Variants in YME1L1 observed in about 807,000 individuals in gnomAD.
YME1L1 encodes YME1 like 1 ATPase.
A neutral mutation model predicts 90.4 loss-of-function variants in YME1L1; 39 were observed. The ratio of observed to expected loss-of-function variants is 0.43; its 90% CI spans 0.33 to 0.56. The LOEUF is 0.56. Among genes scored for constraint, YME1L1 ranks in the 20% least tolerant of loss-of-function variants. The pLI is 0.03. For synonymous variants in YME1L1, 284 were observed against 287.3 expected, an observed-to-expected ratio of 0.99 and a Z score of 0.12; for missense variants, 617 against 868.4, an observed-to-expected ratio of 0.71 and a Z score of 3.64.
chr10:27,148,773 A>C, intron 2 of YME1L1, 133 bp downstream of exon 2: 1 of 1,089,416 alleles, frequency 9.2e-7, no homozygotes, highest in East Asian at 2.4e-5. Flanking sequence ...TTAGTAGTTA[A>C]GTTTCTCAGG....
chr10:27,116,607 A>C (rs979448453), intron 15 of YME1L1, among the ~76,000 whole-genome samples: 4 of 152,246 alleles, frequency 2.6e-5, no homozygotes, highest in African/African-American at 9.6e-5. Context: ...CAGAGGTTGC[A>C]GTGAGCTGAG....
chr10:27,127,304 GT>G (rs1188759996), intron 8 of YME1L1, among the ~76,000 whole-genome samples: 1 of 152,098 alleles, frequency 6.6e-6, no homozygotes, highest in Non-Finnish European at 1.5e-5. Context: ...ATGTAATAAT[GT>G]TTTAATCAAG....
chr10:27,130,454 G>A (rs2056964621), intron 8 of YME1L1, among the ~76,000 whole-genome samples: 1 of 152,172 alleles, frequency 6.6e-6, no homozygotes. Context: ...TACCTCCAAA[G>A]TGGTATATCC....
chr10:27,120,586 T>A (rs750198047), intron 12 of YME1L1, 39 bp from the exon 13 acceptor site: 1 of 1,536,036 alleles, frequency 6.5e-7, no homozygotes, highest in South Asian at 1.2e-5. Flanking sequence ...AAATTAAAAC[T>A]ATTTAAGCTC....
At position 27,110,484 on chromosome 10, in the gene YME1L1, A is replaced by C. The variant is rs2056748626; in HGVS notation, c.*1493T>G. On this transcript the variant is annotated 3_prime_UTR_variant, in exon 19 of 19. Transcript: ENST00000376016. Reference sequence around the variant, plus strand: ...AGGAAATTGTAGATAATTTTAATGAAGTCAACGTCAAGAATATAATCTGGT... The same window carrying C: ...AGGAAATTGTAGATAATTTTAATGACGTCAACGTCAAGAATATAATCTGGT... 6.6e-6 allele frequency: 1 copy of C among 152,240 alleles called. No homozygotes were observed. Among genetic ancestry groups the C allele is most frequent in the Non-Finnish European group, 1.5e-5 (1 of 68,046 alleles). The allele number at this position is 152,240 out of a possible 1,614,324, so 9.4% of individuals were successfully genotyped here.
At position 27,116,226 on chromosome 10, in the gene YME1L1, A is replaced by T. The variant is rs756768273; in HGVS notation, c.1839T>A (p.Ile613=). Residue 613 remains isoleucine, a synonymous_variant, in exon 16 of 19, where the codon ATT becomes ATA. Transcript: ENST00000376016. ...AEELIFGTDH[I]TTGASSDFDN... is the part of the protein sequence containing the mutation. ...CCATTCTTTAAAGCTAACCTGTTGT[A>T]ATATGGTCGGTTCCAAATATAAGCT... 6.2e-7 allele frequency: 1 copy of T among 1,614,212 alleles called. No homozygotes were observed. Among genetic ancestry groups the T allele is most frequent in the Admixed American group, 1.7e-5 (1 of 60,030 alleles).
chr10:27,135,481 T>G (rs2057018201), intron 5 of YME1L1, among the ~76,000 whole-genome samples: 1 of 152,184 alleles, frequency 6.6e-6, no homozygotes, highest in Non-Finnish European at 1.5e-5. Flanking sequence ...TTATGTATGG[T>G]GGTAAATCAA....
At chr10:27,149,449 C>T (rs2057184139) in intron 1 of YME1L1, among the ~76,000 whole-genome samples, 1 of 152,036 alleles carries the variant, frequency 6.6e-6, no homozygotes, top group Non-Finnish European at 1.5e-5. Flanking sequence ...GTGGCTCACG[C>T]CTGTAACCCC....
intron 4 of YME1L1, among the ~76,000 whole-genome samples, chr10:27,138,755 C>T (rs569521343): frequency 6.6e-6 from 1 of 152,002 alleles, no homozygotes; most frequent in Admixed American, 6.5e-5. Context: ...TTTACTCCTT[C>T]TTTTGACTTA....
At chr10:27,121,133 A>G (rs962906656) in intron 12 of YME1L1, among the ~76,000 whole-genome samples, 2 of 152,226 alleles carry the variant, frequency 1.3e-5, no homozygotes, top group Non-Finnish European at 2.9e-5. Context: ...GAATTGTACA[A>G]CCATCACCAC....
intron 9 of YME1L1, among the ~76,000 whole-genome samples, 193 bp from the exon 10 acceptor site, chr10:27,123,892 G>A (rs773829161): frequency 2.6e-5 from 4 of 151,580 alleles, no homozygotes; most frequent in African/African-American, 9.7e-5. Context: ...CAAAATTAAT[G>A]TTCCTGTATT....
chr10:27,143,369 C>CAA (rs2057109956), intron 3 of YME1L1, among the ~76,000 whole-genome samples: 1 of 149,742 alleles, frequency 6.7e-6, no homozygotes, highest in Non-Finnish European at 1.5e-5. Flanking sequence ...AACTCAGTCT[C>CAA]AAAAACAAAA....
intron 1 of YME1L1, among the ~76,000 whole-genome samples, chr10:27,149,603 T>C (rs866849439): frequency 6.7e-6 from 1 of 148,698 alleles, no homozygotes; most frequent in Non-Finnish European, 1.5e-5. Flanking sequence ...CTCAGCTACT[T>C]GGGAGGCTGT....
chr10:27,133,898 A>G (rs1460875105), intron 7 of YME1L1, 141 bp downstream of exon 7: 35 of 481,564 alleles, frequency 7.3e-5, no homozygotes, highest in Non-Finnish European at 1.1e-4. Flanking sequence ...CTGGGAAACT[A>G]ACCACTACTA....
chr10:27,120,573 T>C (rs776459999), intron 12 of YME1L1, 26 bp from the exon 13 acceptor site: 1 of 1,573,876 alleles, frequency 6.4e-7, no homozygotes, highest in Non-Finnish European at 8.7e-7. Flanking sequence ...AAAAGGAAAA[T>C]ATAAATTAAA....
rs1420668547 is a variant in YME1L1, at chr10:27,112,110, T to A, written c.2018A>T (p.Glu673Val). Reference protein sequence around the residue: ...EIRILLRDSYERAKHILKTHA... With the variant: ...EIRILLRDSYVRAKHILKTHA... ...AGTTTTCAAGATATGTTTTGCTCGT[T>A]CATATGAGTCCTGAAACAGAAAAGG... Residue 673 changes from glutamate (E) to valine (V), a missense_variant, in exon 19 of 19, where the codon GAA becomes GTA. Glu to Val is a moderately radical substitution (Grantham distance 121). This residue lies in a region of YME1L1 where 212 missense variants were observed against 330.0 expected (regional missense o/e 0.64). Coordinates refer to ENST00000376016, the MANE Select transcript of YME1L1 (RefSeq NM_014263.4). The A allele has an allele frequency of 6.2e-7, 1 of 1,613,032 alleles. No individual in the cohort carries two copies. The highest frequency in any genetic ancestry group is 8.5e-7 in the Non-Finnish European group (1 of 1,179,734).
chr10:27,119,272 A>T, intron 14 of YME1L1, 22 bp downstream of exon 14: 1 of 1,571,708 alleles, frequency 6.4e-7, no homozygotes, highest in Non-Finnish European at 8.6e-7. Flanking sequence ...TAAAAGACAG[A>T]AAAAAAAGAA....
intron 7 of YME1L1, among the ~76,000 whole-genome samples, chr10:27,133,044 C>T (rs2056992546): frequency 6.6e-6 from 1 of 152,160 alleles, no homozygotes; most frequent in Non-Finnish European, 1.5e-5. Flanking sequence ...TTTTAACAAA[C>T]ACTTCAATTA....
intron 8 of YME1L1, among the ~76,000 whole-genome samples, chr10:27,128,325 A>G (rs11015556): frequency 4.6e-5 from 7 of 151,988 alleles, no homozygotes; most frequent in Admixed American, 4.6e-4. Context: ...GTCTTACAGC[A>G]ATTATAAAAT....
Sources: gnomAD v4.1 joint callset for allele counts (sites outside exome capture counted in the v4.1 genomes callset) on GRCh38, gnomAD v4.1.1 for gene constraint, gnomAD v4.1.1 regional missense constraint, MANE v1.5 for transcripts, NCBI Gene and HGNC (gene_info 2026-07-23, HGNC 2026-07-21) for gene names.